GNA14: variants seen among roughly 807,000 people sequenced by gnomAD.
The protein encoded by GNA14 is G protein subunit alpha 14, also known as guanine nucleotide-binding protein subunit alpha-14.
In GNA14, 50 loss-of-function variants were observed where a neutral mutation model predicts 42.0. That is an observed-to-expected ratio of 1.19 (90% CI 0.95 to 1.51). The LOEUF (loss-of-function observed/expected upper bound fraction) is 1.51. Ranked by LOEUF, GNA14 falls within the 40% of genes most tolerant of loss-of-function variation. GNA14 has a pLI of 0.00. For synonymous variants in GNA14, 173 were observed against 163.1 expected (o/e 1.06, Z -0.46); for missense variants, 473 against 446.2 (o/e 1.06, Z -0.54).
intron 1 of GNA14, among the ~76,000 whole-genome samples, chr9:77,531,862 G>A (rs574437479): frequency 2.6e-5 from 4 of 151,966 alleles, no homozygotes; most frequent in African/African-American, 4.8e-5. Context: ...AAAAGAAAAC[G>A]TTAGAAGTGA....
At chr9:77,499,835 G>A (rs1453525219) in intron 2 of GNA14, among the ~76,000 whole-genome samples, 1 of 151,882 alleles carries the variant, frequency 6.6e-6, no homozygotes, top group African/African-American at 2.4e-5. Context: ...AGGTGACAGG[G>A]CAAGACTGTC....
chr9:77,435,793 C>A (rs13285446), intron 2 of GNA14, among the ~76,000 whole-genome samples: 46,440 of 152,040 alleles, frequency 0.31, 7,172 homozygotes, highest in Middle Eastern at 0.38. Context: ...CAACATTTCC[C>A]CGTGTTGGCC....
At chr9:77,473,047 A>G (rs1006278797) in intron 2 of GNA14, among the ~76,000 whole-genome samples, 3 of 152,240 alleles carry the variant, frequency 2.0e-5, no homozygotes, top group African/African-American at 7.2e-5. Context: ...GAAATTAAGA[A>G]AACAATTCCA....
At chr9:77,480,252 T>C (rs1836519855) in intron 2 of GNA14, among the ~76,000 whole-genome samples, 1 of 152,234 alleles carries the variant, frequency 6.6e-6, no homozygotes. Flanking sequence ...TGAGAGTTTT[T>C]AGCATGAAGG....
intron 2 of GNA14, among the ~76,000 whole-genome samples, chr9:77,439,604 T>G (rs954310407): frequency 4.6e-5 from 7 of 152,244 alleles, no homozygotes. Flanking sequence ...GCCACCGCAC[T>G]TCGGCCTGAG....
In GNA14 at chr9:77,632,178, A is replaced by G. The variant is rs180795752; in HGVS notation, c.124+15492T>C. ...CTCCCTGCTGTTGGCACCCACTCCA[A>G]TCTCAGAGCAAAGTTGGGGCCATGG... On this transcript the variant is annotated intron_variant, in intron 1 of 6. Coordinates refer to ENST00000341700, the MANE Select transcript of GNA14 (RefSeq NM_004297.4). Among the ~76,000 whole-genome samples, 81 of 152,280 alleles carry G rather than the reference A, an allele frequency of 5.3e-4. 1 individual carries two copies. The East Asian group carries it at 0.014, about 26-fold the overall frequency.
intron 1 of GNA14, among the ~76,000 whole-genome samples, chr9:77,646,344 C>G (rs1461738944): frequency 6.6e-6 from 1 of 152,154 alleles, no homozygotes; most frequent in African/African-American, 2.4e-5. Flanking sequence ...GGTATTCATT[C>G]CATCCAGGTC....
At chr9:77,580,418 C>A (rs1823202744) in intron 1 of GNA14, 2 of 308,176 alleles carry the variant, frequency 6.5e-6, no homozygotes, top group African/African-American at 4.4e-5. Context: ...AGTTGTCTAG[C>A]CTTCTGTTCC....
chr9:77,545,428 C>T (rs1035985989), intron 1 of GNA14, among the ~76,000 whole-genome samples: 1 of 152,158 alleles, frequency 6.6e-6, no homozygotes, highest in Non-Finnish European at 1.5e-5. Flanking sequence ...ATATGAAATT[C>T]AGATGGAAAT....
At chr9:77,615,316 C>T (rs1439518573) in intron 1 of GNA14, among the ~76,000 whole-genome samples, 1 of 151,878 alleles carries the variant, frequency 6.6e-6, no homozygotes, top group African/African-American at 2.4e-5. Context: ...TTTTTAGCCA[C>T]TAAAGGTAAA....
At chr9:77,486,648 T>C (rs1836665117) in intron 2 of GNA14, among the ~76,000 whole-genome samples, 1 of 152,214 alleles carries the variant, frequency 6.6e-6, no homozygotes, top group Non-Finnish European at 1.5e-5. Context: ...ACTTGAACAT[T>C]TTGAGACCAT....
chr9:77,567,924 C>T (rs1357119774), intron 1 of GNA14, among the ~76,000 whole-genome samples: 1 of 152,080 alleles, frequency 6.6e-6, no homozygotes, highest in Non-Finnish European at 1.5e-5. Context: ...TAATGTTCAC[C>T]GTATCTTGTT....
At chr9:77,534,762 C>CT (rs35522657) in intron 1 of GNA14, among the ~76,000 whole-genome samples, 43 of 151,852 alleles carry the variant, frequency 2.8e-4, no homozygotes, top group South Asian at 1.5e-3. Context: ...GGACAGGGAT[C>CT]TTTTTTTTTC....
intron 1 of GNA14, chr9:77,635,307 T>C (rs1044189585): frequency 2.6e-5 from 4 of 152,178 alleles, no homozygotes; most frequent in Admixed American, 6.5e-5. Context: ...CTGAAGTGAG[T>C]GCATGGTCAC....
At chr9:77,615,376 C>A (rs773504166) in intron 1 of GNA14, among the ~76,000 whole-genome samples, 2 of 152,096 alleles carry the variant, frequency 1.3e-5, no homozygotes, top group African/African-American at 2.4e-5. Flanking sequence ...GAAACACCTT[C>A]TTTCTTCTGA....
intron 1 of GNA14, among the ~76,000 whole-genome samples, chr9:77,621,009 C>G (rs1823913447): frequency 6.6e-6 from 1 of 152,104 alleles, no homozygotes; most frequent in Non-Finnish European, 1.5e-5. Flanking sequence ...TCTCAGCTCA[C>G]TGCAGTCTCC....
chr9:77,570,533 T>G (rs2131795988), intron 1 of GNA14, among the ~76,000 whole-genome samples: 1 of 152,314 alleles, frequency 6.6e-6, no homozygotes, highest in South Asian at 2.1e-4. Context: ...ATTCACATAA[T>G]TTTTTTAGGT....
intron 2 of GNA14, among the ~76,000 whole-genome samples, chr9:77,446,003 G>A (rs888305561): frequency 8.5e-5 from 13 of 152,190 alleles, no homozygotes; most frequent in Admixed American, 3.3e-4. Context: ...CCTGCTGCTG[G>A]GAGGACGACA....
At chr9:77,578,382 A>T (rs933075077) in intron 1 of GNA14, among the ~76,000 whole-genome samples, 10 of 152,192 alleles carry the variant, frequency 6.6e-5, no homozygotes, top group Non-Finnish European at 1.5e-5. Flanking sequence ...AGTCTCTCAC[A>T]TAACTCTAGA....
Sources: allele counts gnomAD v4.1 joint callset (sites outside exome capture counted in the v4.1 genomes callset), GRCh38; gene constraint gnomAD v4.1.1; transcripts MANE v1.5; gene names NCBI Gene and HGNC (gene_info 2026-07-23, HGNC 2026-07-21).